Variants in EVL observed in about 807,000 individuals in gnomAD.
EVL encodes the protein ena/VASP-like protein.
Under a neutral mutation model 59.6 loss-of-function variants are expected in EVL, and 21 were observed. The ratio of observed to expected loss-of-function variants is 0.35; its 90% CI spans 0.25 to 0.51. The LOEUF (loss-of-function observed/expected upper bound fraction) is 0.51, where lower values mean the gene tolerates loss of function less well. Among genes scored for constraint, EVL ranks in the 20% least tolerant of loss-of-function variants. The pLI is 0.97. For missense variants in EVL, 462 were observed against 546.6 expected, an observed-to-expected ratio of 0.85 and a Z score of 1.54; for synonymous variants, 198 against 203.5, an observed-to-expected ratio of 0.97 and a Z score of 0.23.
intron 3 of EVL, among the ~76,000 whole-genome samples, chr14:100,103,840 T>A (rs1460804791): frequency 1.3e-5 from 2 of 152,130 alleles, no homozygotes; most frequent in African/African-American, 4.8e-5. Flanking sequence ...GAGTGTTGAG[T>A]GCATAGATAC....
At chr14:100,021,832 G>C (rs563914717) in intron 1 of EVL, among the ~76,000 whole-genome samples, 1 of 152,250 alleles carries the variant, frequency 6.6e-6, no homozygotes, top group South Asian at 2.1e-4. Flanking sequence ...TGGAGGTACG[G>C]GTAAGAAAAA....
chr14:100,065,796 T>G (rs1310380762), intron 1 of EVL, among the ~76,000 whole-genome samples: 1 of 152,192 alleles, frequency 6.6e-6, no homozygotes, highest in Non-Finnish European at 1.5e-5. Context: ...CACCTGCCTC[T>G]CATTATAGGG....
intron 7 of EVL, among the ~76,000 whole-genome samples, chr14:100,131,854 C>T (rs1485968939): frequency 6.6e-6 from 1 of 152,112 alleles, no homozygotes; most frequent in African/African-American, 2.4e-5. Flanking sequence ...GGCTGAGGGA[C>T]GAGGTGGGCA....
chr14:100,018,004 T>A (rs1595565656), intron 1 of EVL, among the ~76,000 whole-genome samples: 1 of 152,364 alleles, frequency 6.6e-6, no homozygotes, highest in East Asian at 1.9e-4. Context: ...CTCTTCTCCC[T>A]GATAAAAGCT....
At chr14:100,042,150 A>G (rs899922586) in intron 1 of EVL, among the ~76,000 whole-genome samples, 1 of 152,252 alleles carries the variant, frequency 6.6e-6, no homozygotes, top group Middle Eastern at 3.2e-3. Context: ...TAACTATATT[A>G]CATTACATTT....
intron 1 of EVL, among the ~76,000 whole-genome samples, chr14:100,011,744 G>A (rs55871730): frequency 0.022 from 3,287 of 152,274 alleles, 60 homozygotes; most frequent in Admixed American, 0.055. Context: ...TGGATAGTAA[G>A]TTGCTCTTAA....
intron 1 of EVL, chr14:99,975,217 T>C (rs2060762228): frequency 6.6e-6 from 1 of 152,280 alleles, no homozygotes; most frequent in African/African-American, 2.4e-5. Flanking sequence ...TTAGTTTCTG[T>C]TGAGAAGTCA....
At chr14:100,019,414 A>G (rs1409231312) in intron 1 of EVL, 2 of 510,032 alleles carry the variant, frequency 3.9e-6, no homozygotes, top group South Asian at 3.0e-5. Flanking sequence ...CATACACTGC[A>G]TTAATCAGAC....
chr14:100,128,375 G>A, intron 5 of EVL, 144 bp from the exon 6 acceptor site: 1 of 835,312 alleles, frequency 1.2e-6, no homozygotes, highest in Non-Finnish European at 2.1e-6. Flanking sequence ...GAGGCTTCCT[G>A]GATGAAGCAG....
intron 2 of EVL, among the ~76,000 whole-genome samples, chr14:100,089,208 T>C (rs2140307918): frequency 6.6e-6 from 1 of 152,284 alleles, no homozygotes; most frequent in Middle Eastern, 3.4e-3. Flanking sequence ...TAATCATACC[T>C]CCAAGCTACT....
chr14:99,988,672 A>G (rs1297024791), intron 1 of EVL, among the ~76,000 whole-genome samples: 1 of 152,240 alleles, frequency 6.6e-6, no homozygotes, highest in Non-Finnish European at 1.5e-5. Context: ...TCAAAGTGGA[A>G]ACAACCCAAA....
intron 1 of EVL, among the ~76,000 whole-genome samples, chr14:100,070,072 A>G (rs1381322814): frequency 2.0e-5 from 3 of 151,536 alleles, no homozygotes; most frequent in African/African-American, 7.3e-5. Flanking sequence ...TAAAAAAAAA[A>G]AAAAAAAGAA....
chr14:99,982,583 CG>C (rs561779902), intron 1 of EVL, among the ~76,000 whole-genome samples: 40 of 151,992 alleles, frequency 2.6e-4, no homozygotes, highest in East Asian at 1.5e-3. Context: ...AGAGGGAGAG[CG>C]GGGGGAAAAA....
At chr14:100,038,771 G>GGTGGGTGGGTGTGTGTGTGTGT (rs1555415166) in intron 1 of EVL, among the ~76,000 whole-genome samples, 1 of 140,916 alleles carries the variant, frequency 7.1e-6, no homozygotes. Flanking sequence ...TGTGCCCTGG[G>GGTGGGTGGGTGTGTGTGTGTGT]GTGTGTGTGT....
At chr14:100,137,876 C>A (rs1888911331) in intron 11 of EVL, 74 bp downstream of exon 11, 3 of 1,415,516 alleles carry the variant, frequency 2.1e-6, no homozygotes, top group South Asian at 1.2e-5. Flanking sequence ...GTGACTAACA[C>A]CCTTGCACGC....
At chr14:100,095,721 TTTGTTG>T (rs59077179) in intron 2 of EVL, among the ~76,000 whole-genome samples, 1 of 151,860 alleles carries the variant, frequency 6.6e-6, no homozygotes, top group African/African-American at 2.4e-5. Context: ...AATTACAGGT[TTTGTTG>T]TTGTTGTTGT....
intron 1 of EVL, among the ~76,000 whole-genome samples, chr14:99,987,251 A>C (rs2060845389): frequency 6.6e-6 from 1 of 151,940 alleles, no homozygotes; most frequent in Non-Finnish European, 1.5e-5. Context: ...TTGAAATACT[A>C]CCCCCCGCCA....
At chr14:100,092,994 C>A (rs1243531246) in intron 2 of EVL, among the ~76,000 whole-genome samples, 3 of 152,172 alleles carry the variant, frequency 2.0e-5, no homozygotes, top group Admixed American at 1.3e-4. Context: ...AGTGGACTTG[C>A]AAAAATGCAC....
At chr14:99,981,728 A>C (rs1199444870) in intron 1 of EVL, among the ~76,000 whole-genome samples, 1 of 152,256 alleles carries the variant, frequency 6.6e-6, no homozygotes, top group African/African-American at 2.4e-5. Flanking sequence ...ATGTCTAGAA[A>C]ATGTACATAC....
Sources: allele counts gnomAD v4.1 joint callset (sites outside exome capture counted in the v4.1 genomes callset), GRCh38; gene constraint gnomAD v4.1.1; transcripts MANE v1.5; gene names NCBI Gene and HGNC (gene_info 2026-07-23, HGNC 2026-07-21).